Variants in EFNA5 observed in about 807,000 individuals in gnomAD.
EFNA5 encodes ephrin-A5.
A neutral mutation model predicts 22.9 loss-of-function variants in EFNA5; 5 were observed. The ratio of observed to expected loss-of-function variants is 0.22; its 90% CI spans 0.11 to 0.46. EFNA5 has a LOEUF of 0.46. Among genes scored for constraint, EFNA5 ranks in the 20% least tolerant of loss-of-function variants. The probability of loss-of-function intolerance (pLI) is 0.99; values close to 1 mark genes in which losing one functional copy is unlikely to be tolerated. For missense variants in EFNA5, 237 were observed against 293.3 expected (o/e 0.81, Z 1.40); for synonymous variants, 113 against 112.2 (o/e 1.01, Z -0.04).
intron 1 of EFNA5, among the ~76,000 whole-genome samples, chr5:107,555,734 C>T (rs1403636993): frequency 6.6e-6 from 1 of 152,126 alleles, no homozygotes; most frequent in Non-Finnish European, 1.5e-5. Context: ...AATCTCAAGC[C>T]AAAAATAATG....
intron 1 of EFNA5, among the ~76,000 whole-genome samples, chr5:107,482,305 T>C (rs1280663527): frequency 2.9e-5 from 3 of 103,078 alleles, no homozygotes; most frequent in Non-Finnish European, 6.0e-5. Context: ...GTTGATCTTG[T>C]CTCAAAAAAA....
rs577934233 is a variant in EFNA5 at position 107,589,999 on chromosome 5, C to T, written c.125+80490G>A. 9.9e-5 allele frequency among the ~76,000 whole-genome samples: 15 copies of T among 152,224 alleles called. No individual in the cohort carries two copies. In the East Asian group the frequency reaches 1.2e-3, roughly 12 times the overall value. On this transcript the variant is annotated intron_variant, in intron 1 of 4. Coordinates refer to ENST00000333274, the MANE Select transcript of EFNA5 (RefSeq NM_001962.3). ...CCTTGTCTTATGTAAACACATGGAC[C>T]GCAGAGAATTTACGTAAGACCAGAG...
intron 1 of EFNA5, among the ~76,000 whole-genome samples, chr5:107,591,948 TATA>T (rs1312799357): frequency 4.9e-4 from 7 of 14,392 alleles, no homozygotes; most frequent in African/African-American, 8.2e-4. Flanking sequence ...ATATATTATA[TATA>T]ATATATAATA....
chr5:107,585,900 C>T (rs1749177387), intron 1 of EFNA5, among the ~76,000 whole-genome samples: 2 of 152,128 alleles, frequency 1.3e-5, no homozygotes, highest in Non-Finnish European at 2.9e-5. Flanking sequence ...ATTTTGGGGA[C>T]AGTTTAGTTC....
intron 2 of EFNA5, among the ~76,000 whole-genome samples, chr5:107,405,684 C>T (rs1748190109): frequency 6.6e-6 from 1 of 151,934 alleles, no homozygotes; most frequent in Non-Finnish European, 1.5e-5. Flanking sequence ...CCAGAGTGAT[C>T]CTGGTGGAAA....
chr5:107,636,616 T>C (rs1325614639), intron 1 of EFNA5, among the ~76,000 whole-genome samples: 1 of 152,250 alleles, frequency 6.6e-6, no homozygotes, highest in Non-Finnish European at 1.5e-5. Flanking sequence ...TCCCATCATA[T>C]TATTTATTAT....
intron 1 of EFNA5, among the ~76,000 whole-genome samples, chr5:107,591,890 AT>A (rs1749339754): frequency 1.9e-4 from 4 of 21,532 alleles, no homozygotes; most frequent in Non-Finnish European, 3.1e-4. Context: ...TAATATATAT[AT>A]TATATATAAT....
chr5:107,415,812 CTAAT>C (rs1391521574), intron 2 of EFNA5, among the ~76,000 whole-genome samples: 1 of 152,182 alleles, frequency 6.6e-6, no homozygotes. Context: ...GCAAGTATAA[CTAAT>C]TACAATAAGT....
At chr5:107,544,080 T>G (rs1271190683) in intron 1 of EFNA5, among the ~76,000 whole-genome samples, 1 of 152,152 alleles carries the variant, frequency 6.6e-6, no homozygotes, top group Non-Finnish European at 1.5e-5. Context: ...TCCTGACATT[T>G]GGGGTAATCT....
intron 1 of EFNA5, among the ~76,000 whole-genome samples, chr5:107,635,214 G>C (rs915643787): frequency 6.6e-6 from 1 of 152,130 alleles, no homozygotes; most frequent in Non-Finnish European, 1.5e-5. Context: ...AAATTGATAC[G>C]GCCAAAGTCA....
chr5:107,622,799 A>G (rs1234250279), intron 1 of EFNA5, among the ~76,000 whole-genome samples: 1 of 151,948 alleles, frequency 6.6e-6, no homozygotes, highest in Non-Finnish European at 1.5e-5. Flanking sequence ...AGGCGGGTGG[A>G]TCATGAGGTC....
At chr5:107,440,286 A>T (rs1275577202) in intron 1 of EFNA5, among the ~76,000 whole-genome samples, 4 of 152,216 alleles carry the variant, frequency 2.6e-5, no homozygotes, top group Admixed American at 6.5e-5. Context: ...CAAGTACTAC[A>T]ATATTTCTAC....
chr5:107,483,078 T>C (rs1394837276), intron 1 of EFNA5, among the ~76,000 whole-genome samples: 2 of 152,114 alleles, frequency 1.3e-5, no homozygotes, highest in African/African-American at 4.8e-5. Context: ...TTGTTCCTCG[T>C]CTTTAATCTT....
chr5:107,498,817 G>T (rs1191050645), intron 1 of EFNA5, among the ~76,000 whole-genome samples: 2 of 152,122 alleles, frequency 1.3e-5, no homozygotes, highest in Admixed American at 6.5e-5. Flanking sequence ...TTCCAAGGAG[G>T]TAGGTTTGAT....
chr5:107,619,818 C>T (rs370431550), intron 1 of EFNA5, among the ~76,000 whole-genome samples: 3 of 152,148 alleles, frequency 2.0e-5, no homozygotes, highest in Non-Finnish European at 2.9e-5. Flanking sequence ...GGCCCCCACA[C>T]ACAATCATAT....
Position 107,438,031 on chromosome 5 carries a change from C to T in EFNA5, c.126-10522G>A, listed in dbSNP as rs551831368. Reference sequence around the variant, plus strand: ...GGTAATTAAACACTGGAAAGTGATGCCAGGCTAATTGTTAGATTATGATAA... The same window carrying T: ...GGTAATTAAACACTGGAAAGTGATGTCAGGCTAATTGTTAGATTATGATAA... On this transcript the variant is annotated intron_variant, in intron 1 of 4. Coordinates refer to ENST00000333274, the MANE Select transcript of EFNA5 (RefSeq NM_001962.3). 3.9e-5 allele frequency among the ~76,000 whole-genome samples: 6 copies of T among 152,256 alleles called. No individual in the cohort carries two copies. In the South Asian group the frequency reaches 1.2e-3, roughly 32 times the overall value.
At chr5:107,402,653 C>T (rs959246294) in intron 2 of EFNA5, among the ~76,000 whole-genome samples, 5 of 152,178 alleles carry the variant, frequency 3.3e-5, no homozygotes, top group South Asian at 2.1e-4. Flanking sequence ...CTACTGTATA[C>T]GCACCTTCCA....
intron 1 of EFNA5, among the ~76,000 whole-genome samples, chr5:107,456,501 G>C (rs1279900835): frequency 6.6e-6 from 1 of 152,146 alleles, no homozygotes; most frequent in Non-Finnish European, 1.5e-5. Flanking sequence ...AAAGTGGCAT[G>C]TGTAGAAGCC....
At chr5:107,489,602 G>A (rs1746744186) in intron 1 of EFNA5, among the ~76,000 whole-genome samples, 1 of 151,940 alleles carries the variant, frequency 6.6e-6, no homozygotes, top group Non-Finnish European at 1.5e-5. Context: ...TGGAACCTCA[G>A]GTGCCTTCAC....
Sources: gnomAD v4.1 joint callset for allele counts (sites outside exome capture counted in the v4.1 genomes callset) on GRCh38, gnomAD v4.1.1 for gene constraint, MANE v1.5 for transcripts, NCBI Gene and HGNC (gene_info 2026-07-23, HGNC 2026-07-21) for gene names.